COL6A2: variants seen among roughly 807,000 people sequenced by gnomAD.
COL6A2 encodes the protein collagen type VI alpha 2 chain, also known as collagen alpha-2(VI) chain.
Under a neutral mutation model 124.9 loss-of-function variants are expected in COL6A2, and 90 were observed. The ratio of observed to expected loss-of-function variants is 0.72; its 90% CI spans 0.61 to 0.86. COL6A2 has a LOEUF of 0.86. Among genes scored for constraint, COL6A2 ranks in the 40% least tolerant of loss-of-function variants. COL6A2 has a pLI of 0.00. For missense variants in COL6A2, 1,607 were observed against 1,502.5 expected, an observed-to-expected ratio of 1.07 and a Z score of -1.15; for synonymous variants, 793 against 618.2, an observed-to-expected ratio of 1.28 and a Z score of -4.19.
chr21:46,130,861 C>G (rs897561590), intron 27 of COL6A2, among the ~76,000 whole-genome samples: 2 of 152,222 alleles, frequency 1.3e-5, no homozygotes, highest in Non-Finnish European at 2.9e-5. Context: ...CTCATAAGCT[C>G]ACTGAGGGAA....
chr21:46,124,050 G>A (rs2078617133), intron 21 of COL6A2, among the ~76,000 whole-genome samples: 1 of 150,562 alleles, frequency 6.6e-6, no homozygotes, highest in African/African-American at 2.5e-5. Context: ...GTGGGTGGAT[G>A]GATGAGTGAA....
intron 11 of COL6A2, 103 bp from the exon 12 acceptor site, chr21:46,117,771 G>T: frequency 8.5e-7 from 1 of 1,180,472 alleles, no homozygotes; most frequent in South Asian, 1.3e-5. Context: ...CAGTGAGGGT[G>T]GGAGGTGCGT....
Position 46,117,441 on chromosome 21 carries a change from C to A in COL6A2, c.1041C>A (p.Asp347Glu). 1 of 1,612,738 alleles carries A rather than the reference C, an allele frequency of 6.2e-7. No homozygotes were observed. Among genetic ancestry groups the A allele is most frequent in the African/African-American group, 1.3e-5 (1 of 75,038 alleles). Residue 347 changes from aspartate to glutamate, a missense_variant, in exon 11 of 28, where the codon GAC (aspartate) becomes GAA (glutamate). Around this residue, in one of 3 missense-constraint regions of COL6A2, gnomAD observed 1,223 missense variants for 1,052.2 expected, o/e 1.16. Transcript: ENST00000300527. ...GRIGPPGCKG[D>E]PGNRGPDGYP... ...TCGGACCTCCTGGCTGCAAGGGAGACCCTGGAAACCGGGTAAGGGCCGTTT... is the reference window on the plus strand; with the variant it reads ...TCGGACCTCCTGGCTGCAAGGGAGAACCTGGAAACCGGGTAAGGGCCGTTT...
Position 46,126,160 on chromosome 21 carries a change from A to G in COL6A2, c.2345A>G (p.Gln782Arg). The G allele has an allele frequency of 6.2e-7, 1 of 1,610,002 alleles. No homozygotes were observed. The highest frequency in any genetic ancestry group is 8.5e-7 in the Non-Finnish European group (1 of 1,179,998). Residue 782 changes from glutamine to arginine, a missense_variant, in exon 26 of 28, where the codon CAG becomes CGG. Gln to Arg is a conservative substitution (Grantham distance 43). Coordinates refer to ENST00000300527, the MANE Select transcript of COL6A2 (RefSeq NM_001849.4). ...LYSIACDKPQQVRNMTLFSDL... is the reference protein window; with the variant it reads ...LYSIACDKPQRVRNMTLFSDL... ...TCCATCGCCTGCGACAAGCCACAGC[A>G]GGTGCGCAACATGACGCTGTTCTCC...
intron 27 of COL6A2, among the ~76,000 whole-genome samples, chr21:46,127,732 G>T (rs2078694884): frequency 6.6e-6 from 1 of 150,390 alleles, no homozygotes; most frequent in African/African-American, 2.4e-5. Flanking sequence ...CAGGTGGGGG[G>T]CCTTCCTCTC....
chr21:46,113,369 TTTA>T (rs2078430534), intron 4 of COL6A2, among the ~76,000 whole-genome samples: 1 of 151,888 alleles, frequency 6.6e-6, no homozygotes, highest in Non-Finnish European at 1.5e-5. Context: ...TTTTGTAAAA[TTTA>T]TTCTTTTATA....
chr21:46,130,784 T>A (rs141902436), intron 27 of COL6A2, among the ~76,000 whole-genome samples: 1 of 152,208 alleles, frequency 6.6e-6, no homozygotes. Context: ...TCTGGACATT[T>A]AAGCCGGTTC....
intron 5 of COL6A2, among the ~76,000 whole-genome samples, chr21:46,114,328 G>T (rs1163641777): frequency 2.0e-5 from 3 of 151,986 alleles, no homozygotes; most frequent in Non-Finnish European, 4.4e-5. Context: ...GGGAGGCTGA[G>T]GCAGGAGAAT....
In COL6A2 at chr21:46,128,997, C is replaced by T. The variant is rs1296880350; in HGVS notation, c.2461+2456C>T. The T allele has an allele frequency of 5.6e-6, 9 of 1,605,076 alleles. No homozygotes were observed. In the East Asian group the frequency reaches 8.9e-5, roughly 16 times the overall value. ...TGCGGGTCTCCTAGCTCCCTGCCAG[C>T]TTCCTGTCCCTGTGCTCACTGCCCC... On this transcript the variant is annotated intron_variant, in intron 27 of 27. Transcript: ENST00000300527.
At chr21:46,128,931 G>A in intron 27 of COL6A2, 4 of 1,612,560 alleles carry the variant, frequency 2.5e-6, no homozygotes, top group African/African-American at 1.3e-5. Context: ...TGTGCTGAAA[G>A]GTTTTCTCGG....
At chr21:46,129,670 T>C (rs1320308904) in intron 27 of COL6A2, 3 of 1,420,646 alleles carry the variant, frequency 2.1e-6, no homozygotes, top group South Asian at 3.2e-5. Context: ...GTGGCCACCG[T>C]GTCCCTTGCT....
intron 1 of COL6A2, among the ~76,000 whole-genome samples, chr21:46,110,959 CCTT>C (rs1221321818): frequency 1.3e-5 from 2 of 152,216 alleles, no homozygotes; most frequent in Non-Finnish European, 2.9e-5. Flanking sequence ...CTCCCTCCCT[CCTT>C]ATCAAAGTCC....
chr21:46,127,427 T>G (rs566280455), intron 27 of COL6A2, among the ~76,000 whole-genome samples: 6 of 152,178 alleles, frequency 3.9e-5, no homozygotes, highest in South Asian at 4.2e-4. Flanking sequence ...AGCCGTGGAC[T>G]CAGAGCCGAG....
Position 46,123,044 on chromosome 21 carries a change from C to T in COL6A2, c.1671+107C>T, listed in dbSNP as rs531924382. The T allele has an allele frequency of 1.8e-5, 21 of 1,145,690 alleles. No individual in the cohort carries two copies. The African/African-American group carries it at 2.0e-4, about 11-fold the overall frequency. 71.0% of individuals were successfully genotyped at this position (1,145,690 alleles called of 1,614,324 possible). A position where few individuals can be genotyped will look rare whatever the true frequency, so the allele number is the denominator to read the frequency against. On this transcript the variant is annotated intron_variant, in intron 21 of 27. Transcript: ENST00000300527. Reference sequence around the variant, plus strand: ...TACAGGAGAACGCCAGGCAGCTTGGCCCCAGCCATGAGCACCACCCCCACC... The same window carrying T: ...TACAGGAGAACGCCAGGCAGCTTGGTCCCAGCCATGAGCACCACCCCCACC...
Position 46,111,995 on chromosome 21 carries a change from C to T in COL6A2, c.132C>T (p.Pro44=), listed in dbSNP as rs2123614144. ...GCCCCACAGAGAAGACCGACTGCCC[C>T]ATCCACGTGTACTTCGTGCTGGACA... ...NNNCPEKTDC[P]IHVYFVLDTS... is the part of the protein sequence containing the mutation. Residue 44 remains proline, a synonymous_variant, in exon 3 of 28, where the codon CCC becomes CCT. Coordinates refer to ENST00000300527, the MANE Select transcript of COL6A2 (RefSeq NM_001849.4). 3 of 1,612,308 alleles carry T rather than the reference C, an allele frequency of 1.9e-6. No homozygotes were observed. In the African/African-American group the frequency reaches 4.0e-5, roughly 21 times the overall value.
chr21:46,124,237 CTGGGTGGATGGATGGATGGGTTAG>C (rs2078623370), intron 21 of COL6A2, among the ~76,000 whole-genome samples: 1 of 140,228 alleles, frequency 7.1e-6, no homozygotes, highest in Non-Finnish European at 1.6e-5. Context: ...GGATGGGTGA[CTGGGTGGATGGATGGATGGGTTAG>C]TGGGTGGCTG....
chr21:46,125,002 G>A, intron 23 of COL6A2, 82 bp downstream of exon 23: 2 of 1,534,884 alleles, frequency 1.3e-6, no homozygotes, highest in Non-Finnish European at 1.8e-6. Flanking sequence ...GGGAAGGTCA[G>A]CTGGCACGGT....
intron 1 of COL6A2, among the ~76,000 whole-genome samples, chr21:46,102,605 G>A (rs892889250): frequency 1.3e-5 from 2 of 152,012 alleles, no homozygotes; most frequent in African/African-American, 4.8e-5. Context: ...TATCATGAAA[G>A]GGTATTGAAT....
In COL6A2 at chr21:46,122,520, C is replaced by T. The variant is rs369344717; in HGVS notation, c.1597C>T (p.Arg533Cys). 1.2e-5 allele frequency: 19 copies of T among 1,612,622 alleles called. 1 individual carries two copies. Among genetic ancestry groups the T allele is most frequent in the Non-Finnish European group, 1.3e-5 (15 of 1,179,974 alleles). The change falls in exon 20 of 28, where the codon CGC becomes TGC. Residue 533 changes from arginine (R) to cysteine (C), a missense_variant. By Grantham distance (180) the Arg-to-Cys change is radical. Coordinates refer to ENST00000300527, the MANE Select transcript of COL6A2 (RefSeq NM_001849.4). ...APGEKGEPGP[R>C]GPEGGRGDFG... ...GGGAGAAAAAGGCGAGCCCGGCCCA[C>T]GCGGCCCCGAGGTATGTGTGGGTCC...
Sources: gnomAD v4.1 joint callset for allele counts (sites outside exome capture counted in the v4.1 genomes callset) on GRCh38, gnomAD v4.1.1 for gene constraint, gnomAD v4.1.1 regional missense constraint, MANE v1.5 for transcripts, NCBI Gene and HGNC (gene_info 2026-07-23, HGNC 2026-07-21) for gene names.